DENND2B: variants seen among roughly 807,000 people sequenced by gnomAD.
The protein encoded by DENND2B is DENN domain containing 2B.
A neutral mutation model predicts 116.0 loss-of-function variants in DENND2B; 32 were observed. The ratio of observed to expected loss-of-function variants is 0.28; its 90% confidence interval spans 0.21 to 0.37. The LOEUF (loss-of-function observed/expected upper bound fraction) is 0.37. Among genes scored for constraint, DENND2B ranks in the 10% least tolerant of loss-of-function variants. The pLI, the probability that DENND2B is intolerant of heterozygous loss-of-function variation, is 1.00. For missense variants in DENND2B, 1,276 were observed against 1,477.7 expected, an observed-to-expected ratio of 0.86 and a Z score of 2.24; for synonymous variants, 588 against 583.9, an observed-to-expected ratio of 1.01 and a Z score of -0.10.
At chr11:8,763,131 G>A (rs2054990580) in intron 1 of DENND2B, among the ~76,000 whole-genome samples, 1 of 152,170 alleles carries the variant, frequency 6.6e-6, no homozygotes, top group Non-Finnish European at 1.5e-5. Flanking sequence ...AGAGATATAT[G>A]AAAAGGTATC....
intron 11 of DENND2B, chr11:8,708,456 T>C: frequency 2.1e-6 from 1 of 486,560 alleles, no homozygotes; most frequent in Non-Finnish European, 2.7e-6. Flanking sequence ...ATCCCCTTTA[T>C]AGATGAGGCA....
intron 4 of DENND2B, chr11:8,718,980 C>T (rs898204389): frequency 1.0e-6 from 1 of 987,068 alleles, no homozygotes; most frequent in Non-Finnish European, 1.2e-6. Context: ...CTCTGCACCC[C>T]TTTCCCTATT....
chr11:8,733,890 A>T (rs1337594606), intron 2 of DENND2B, among the ~76,000 whole-genome samples: 1 of 152,128 alleles, frequency 6.6e-6, no homozygotes, highest in African/African-American at 2.4e-5. Context: ...ATGCAGCATA[A>T]AATAGAGAGT....
At chr11:8,726,276 C>A in intron 3 of DENND2B, 67 bp from the exon 4 acceptor site, 1 of 1,543,156 alleles carries the variant, frequency 6.5e-7, no homozygotes, top group Non-Finnish European at 8.7e-7. Context: ...TGGGGAATGT[C>A]CATGGCAACA....
intron 4 of DENND2B, among the ~76,000 whole-genome samples, chr11:8,815,825 G>A (rs2061551339): frequency 6.6e-6 from 1 of 152,168 alleles, no homozygotes; most frequent in Non-Finnish European, 1.5e-5. Flanking sequence ...TGCAATAAGT[G>A]TGTGTGAGAT....
At chr11:8,734,783 AAG>A (rs2048696057) in intron 2 of DENND2B, among the ~76,000 whole-genome samples, 1 of 129,834 alleles carries the variant, frequency 7.7e-6, no homozygotes, top group Non-Finnish European at 1.7e-5. Flanking sequence ...GAGTGAAAAC[AAG>A]AGTCTCAAAA....
chr11:8,836,540 G>C (rs965794270), intron 4 of DENND2B, among the ~76,000 whole-genome samples: 23 of 146,950 alleles, frequency 1.6e-4, no homozygotes, highest in African/African-American at 5.8e-4. Flanking sequence ...TCCTGTCTCA[G>C]CCTCCCAAGT....
intron 4 of DENND2B, among the ~76,000 whole-genome samples, chr11:8,834,086 G>T (rs989604714): frequency 3.3e-5 from 5 of 152,178 alleles, no homozygotes; most frequent in African/African-American, 1.2e-4. Flanking sequence ...AAAATCAGCT[G>T]TGACTGTACT....
chr11:8,837,175 A>C (rs569746515), intron 4 of DENND2B, among the ~76,000 whole-genome samples: 53 of 152,248 alleles, frequency 3.5e-4, no homozygotes, highest in Non-Finnish European at 5.6e-4. Flanking sequence ...AGATCTGATT[A>C]AATCTCAGTC....
At position 8,702,934 on chromosome 11, in the gene DENND2B, C is replaced by T; in HGVS notation, c.2572-214G>A. 1.7e-6 allele frequency: 1 copy of T among 603,166 alleles called. No individual in the cohort carries two copies. The highest frequency in any genetic ancestry group is 3.2e-5 in the Admixed American group (1 of 31,744). The allele number at this position is 603,166 out of a possible 1,614,324, so 37.4% of individuals were successfully genotyped here. A position where few individuals can be genotyped will look rare whatever the true frequency, so the allele number is the denominator to read the frequency against. ...AACACCCAGCCTGTGGGCAAGAGGG[C>T]TGCCTGTGAAAGCGGGGAAGGCTCC... is the stretch of plus-strand genomic sequence containing the variant. On this transcript the variant is annotated intron_variant, in intron 13 of 19. Coordinates refer to ENST00000313726, the MANE Select transcript of DENND2B (RefSeq NM_213618.2). The surrounding 1 kb of genome is among the most constrained non-coding windows in gnomAD (Gnocchi z 4.6).
chr11:8,821,873 C>T (rs925622461), intron 4 of DENND2B, among the ~76,000 whole-genome samples: 6 of 152,110 alleles, frequency 3.9e-5, no homozygotes, highest in African/African-American at 1.2e-4. Flanking sequence ...CTCACTGCAA[C>T]CTCTGCCTCC....
intron 1 of DENND2B, among the ~76,000 whole-genome samples, chr11:8,769,220 C>A (rs2056431277): frequency 6.7e-6 from 1 of 149,890 alleles, no homozygotes. Flanking sequence ...GCCAAGGTAA[C>A]AGCAACGTAA....
At chr11:8,839,135 A>G (rs922240702) in intron 4 of DENND2B, among the ~76,000 whole-genome samples, 1 of 152,202 alleles carries the variant, frequency 6.6e-6, no homozygotes, top group Non-Finnish European at 1.5e-5. Context: ...GCAACATGAT[A>G]AGGTACACAG....
Position 8,699,275 on chromosome 11 carries a change from G to A in DENND2B, c.2836C>T (p.Pro946Ser). Residue 946 changes from proline to serine, a missense_variant, in exon 15 of 20, where the codon CCC becomes TCC. Physicochemically the swap from Pro to Ser is moderately conservative, Grantham distance 74. Coordinates refer to ENST00000313726, the MANE Select transcript of DENND2B (RefSeq NM_213618.2). ...SMIDIVCCPT[P>S]FLVGLLSSSL... ...CTGGAGAGCAGGCCAACCAGGAAGGGGGTGGGACAGCAGACGATGTCAATC... is the reference window on the plus strand; with the variant it reads ...CTGGAGAGCAGGCCAACCAGGAAGGAGGTGGGACAGCAGACGATGTCAATC... The A allele has an allele frequency of 6.2e-7, 1 of 1,600,624 alleles. No homozygotes were observed. Among genetic ancestry groups the A allele is most frequent in the Non-Finnish European group, 8.5e-7 (1 of 1,176,696 alleles).
chr11:8,841,240 G>A (rs2062612701), intron 3 of DENND2B, among the ~76,000 whole-genome samples: 1 of 152,026 alleles, frequency 6.6e-6, no homozygotes, highest in Non-Finnish European at 1.5e-5. Flanking sequence ...TTGTGAAGAT[G>A]ATAATAGATT....
chr11:8,805,870 A>AGACC (rs2060793186), intron 1 of DENND2B, among the ~76,000 whole-genome samples: 1 of 152,172 alleles, frequency 6.6e-6, no homozygotes, highest in Non-Finnish European at 1.5e-5. Flanking sequence ...TTCACTGACT[A>AGACC]AATGGGTGAA....
chr11:8,851,681 T>A (rs2063013304), intron 3 of DENND2B, among the ~76,000 whole-genome samples: 2 of 152,266 alleles, frequency 1.3e-5, no homozygotes, highest in East Asian at 3.9e-4. Context: ...AATATGGGTA[T>A]AAGGATATTC....
rs2039862375 is a variant in DENND2B, at chr11:8,694,002, G to C, written c.*94C>G. 3 of 1,396,402 alleles carry C rather than the reference G, an allele frequency of 2.1e-6. No individual in the cohort carries two copies. Among genetic ancestry groups the C allele is most frequent in the Non-Finnish European group, 3.0e-6 (3 of 997,946 alleles). 86.5% of individuals were successfully genotyped at this position (1,396,402 alleles called of 1,614,324 possible). On this transcript the variant is annotated 3_prime_UTR_variant, in exon 20 of 20. Transcript: ENST00000313726. ...TTGGAGGATAGGATCTGTGGGGGCA[G>C]AGGAGCCACAGCAGCCCAGAGGGTC... is the stretch of plus-strand genomic sequence containing the variant.
intron 1 of DENND2B, chr11:8,766,677 C>A: frequency 7.8e-7 from 1 of 1,288,244 alleles, no homozygotes; most frequent in Non-Finnish European, 1.0e-6. Context: ...CTATGCGCCC[C>A]ACCTCCATTC....
Sources: gnomAD v4.1 joint callset for allele counts (sites outside exome capture counted in the v4.1 genomes callset) on GRCh38, gnomAD v4.1.1 for gene constraint, Gnocchi (gnomAD v3.1) non-coding constraint, MANE v1.5 for transcripts, NCBI Gene and HGNC (gene_info 2026-07-23, HGNC 2026-07-21) for gene names.